USP34: variants seen among roughly 807,000 people sequenced by gnomAD.
USP34 encodes ubiquitin specific peptidase 34.
In USP34, 70 loss-of-function variants were observed where a neutral mutation model predicts 460.3. The observed-to-expected ratio is 0.15, with a 90% CI of 0.13 to 0.19. USP34 has a LOEUF of 0.19. Among genes scored for constraint, USP34 ranks in the 10% least tolerant of loss-of-function variants. USP34 has a pLI of 1.00. For synonymous variants in USP34, 1,647 were observed against 1,405.3 expected (o/e 1.17, Z -3.85); for missense variants, 3,985 against 4,236.2 (o/e 0.94, Z 1.65).
In USP34 at chr2:61,296,784, G is replaced by T; in HGVS notation, c.4254+16C>A. On this transcript the variant is annotated intron_variant, in intron 30 of 79. Transcript: ENST00000398571. Reference sequence around the variant, plus strand: ...GTAACAGCCTCTAGGAGAGTAAAGAGATTTTGTGGGCTCACCTGCTCATCT... The same window carrying T: ...GTAACAGCCTCTAGGAGAGTAAAGATATTTTGTGGGCTCACCTGCTCATCT... 1 of 1,608,144 alleles carries T rather than the reference G, an allele frequency of 6.2e-7. No homozygotes were observed. Among genetic ancestry groups the T allele is most frequent in the Non-Finnish European group, 8.5e-7 (1 of 1,177,770 alleles).
intron 20 of USP34, among the ~76,000 whole-genome samples, chr2:61,326,996 A>G (rs1212945564): frequency 6.6e-6 from 1 of 151,702 alleles, no homozygotes; most frequent in Non-Finnish European, 1.5e-5. Flanking sequence ...CACATTAGCC[A>G]GCTGGTCTCT....
chr2:61,194,224 C>T, intron 75 of USP34: 1 of 985,364 alleles, frequency 1.0e-6, no homozygotes, highest in Non-Finnish European at 1.2e-6. Context: ...CAAGATGAGT[C>T]CCTTTAGACA....
rs753201888 is a variant in USP34 at position 61,223,067 on chromosome 2, G to C, written c.7742C>G (p.Ala2581Gly). 2.2e-5 allele frequency: 36 copies of C among 1,611,908 alleles called. No homozygotes were observed. The highest frequency in any genetic ancestry group is 2.5e-5 in the Non-Finnish European group (30 of 1,178,574). Residue 2581 changes from alanine to glycine, a missense_variant, in exon 64 of 80, where the codon GCA becomes GGA. Physicochemically the swap from Ala to Gly is moderately conservative, Grantham distance 60 (BLOSUM62 0). Around this residue, in one of 14 missense-constraint regions of USP34, gnomAD observed 604 missense variants for 684.8 expected, o/e 0.88. Coordinates refer to ENST00000398571, the MANE Select transcript of USP34 (RefSeq NM_014709.4). ...CTGTTCCTTAGCACTTACATGTTCT[G>C]CAAGTCGATTATTGTATCGACACAG... ...FSLCRYNNRL[A>G]EHIVSMLFTS... is the part of the protein sequence containing the mutation.
At chr2:61,408,267 C>T (rs376641317) in intron 2 of USP34, among the ~76,000 whole-genome samples, 2 of 152,080 alleles carry the variant, frequency 1.3e-5, no homozygotes, top group Non-Finnish European at 1.5e-5. Context: ...ATAGGAAACC[C>T]GACCCAGAAC....
chr2:61,450,196 A>T (rs1266923016), intron 1 of USP34, among the ~76,000 whole-genome samples: 1 of 152,254 alleles, frequency 6.6e-6, no homozygotes, highest in Non-Finnish European at 1.5e-5. Context: ...AAAAAAACAA[A>T]TATTAGTATT....
At chr2:61,458,355 G>A (rs1223861840) in intron 1 of USP34, among the ~76,000 whole-genome samples, 1 of 151,836 alleles carries the variant, frequency 6.6e-6, no homozygotes, top group African/African-American at 2.4e-5. Flanking sequence ...GAGGTCAGGA[G>A]TTCAAGAGAA....
chr2:61,229,658 CAA>C, intron 58 of USP34, 25 bp from the exon 59 acceptor site: 10 of 1,572,284 alleles, frequency 6.4e-6, no homozygotes, highest in Non-Finnish European at 7.8e-6. Flanking sequence ...AAAGATCAAA[CAA>C]GAGCCAACTC....
intron 22 of USP34, 60 bp from the exon 23 acceptor site, chr2:61,317,827 T>TA (rs750513429): frequency 6.7e-5 from 83 of 1,245,948 alleles, no homozygotes; most frequent in Non-Finnish European, 8.7e-5. Flanking sequence ...CAGATTTTAT[T>TA]AAATTTAAAT....
chr2:61,203,564 A>G (rs1687033276), intron 74 of USP34, among the ~76,000 whole-genome samples: 1 of 152,150 alleles, frequency 6.6e-6, no homozygotes, highest in Non-Finnish European at 1.5e-5. Flanking sequence ...AAAATGAATT[A>G]AGTTTGACTT....
intron 1 of USP34, among the ~76,000 whole-genome samples, chr2:61,437,406 C>A (rs181604335): frequency 6.6e-6 from 1 of 152,056 alleles, no homozygotes; most frequent in Non-Finnish European, 1.5e-5. Context: ...AACTACGCAG[C>A]AATAAATTTA....
chr2:61,214,204 A>G lies in USP34; in HGVS notation c.8538T>C (p.Phe2846=). ...ADHDDQDVVL[F]NRGMLPAYYG... Reference sequence around the variant, plus strand: ...AGTACGCTGGCAGCATCCCACGGTTAAAAAGCACCACATCCTGATCATCAT... The same window carrying G: ...AGTACGCTGGCAGCATCCCACGGTTGAAAAGCACCACATCCTGATCATCAT... Residue 2846 remains phenylalanine (F), a synonymous_variant, in exon 68 of 80, where the codon TTT becomes TTC. Transcript: ENST00000398571. 6.2e-7 allele frequency: 1 copy of G among 1,614,236 alleles called. No homozygotes were observed. Among genetic ancestry groups the G allele is most frequent in the Non-Finnish European group, 8.5e-7 (1 of 1,180,042 alleles).
chr2:61,365,805 T>C (rs1692419397), intron 10 of USP34, among the ~76,000 whole-genome samples: 1 of 152,122 alleles, frequency 6.6e-6, no homozygotes, highest in South Asian at 2.1e-4. Context: ...AGGAGAAAAT[T>C]GTTGAATTTC....
chr2:61,331,175 C>T (rs970347331), intron 20 of USP34, 101 bp downstream of exon 20: 18 of 977,074 alleles, frequency 1.8e-5, no homozygotes, highest in Non-Finnish European at 2.5e-5. Context: ...TTTTCTGTTA[C>T]AATTACTTAT....
At position 61,259,702 on chromosome 2, in the gene USP34, T is replaced by G; in HGVS notation, c.5844+9A>C. On this transcript the variant is annotated intron_variant, in intron 44 of 79. Transcript: ENST00000398571. ...TGCCTGGCCTAGCCTCCATGATTCT[T>G]AAACATACCATTAAATATGTAAACA... 3 of 1,612,190 alleles carry G rather than the reference T, an allele frequency of 1.9e-6. No homozygotes were observed. In the South Asian group the frequency reaches 3.3e-5, roughly 18 times the overall value.
At chr2:61,373,587 A>C (rs1692696925) in intron 8 of USP34, among the ~76,000 whole-genome samples, 1 of 152,246 alleles carries the variant, frequency 6.6e-6, no homozygotes, top group African/African-American at 2.4e-5. Context: ...TCAAGTTACC[A>C]GGAATACATA....
In USP34 at chr2:61,250,039, G is replaced by A. The variant is rs571730143; in HGVS notation, c.6222-1356C>T. Among the ~76,000 whole-genome samples, 6 of 152,284 alleles carry A rather than the reference G, an allele frequency of 3.9e-5. No homozygotes were observed. In the South Asian group the frequency reaches 1.2e-3, roughly 32 times the overall value. Reference sequence around the variant, plus strand: ...AAAGTGGGCAGACTGCTTGAGGCCAGGAGTTCGAGACCATTCTGGCCAACA... The same window carrying A: ...AAAGTGGGCAGACTGCTTGAGGCCAAGAGTTCGAGACCATTCTGGCCAACA... On this transcript the variant is annotated intron_variant, in intron 48 of 79. Coordinates refer to ENST00000398571, the MANE Select transcript of USP34 (RefSeq NM_014709.4).
intron 18 of USP34, among the ~76,000 whole-genome samples, chr2:61,336,700 C>G (rs1283866669): frequency 4.0e-5 from 6 of 148,508 alleles, no homozygotes; most frequent in African/African-American, 9.9e-5. Flanking sequence ...TTCCCAGCTA[C>G]TTGGGAGGTT....
chr2:61,317,010 G>A (rs768436374), intron 23 of USP34, among the ~76,000 whole-genome samples: 5 of 152,088 alleles, frequency 3.3e-5, no homozygotes, highest in Non-Finnish European at 7.3e-5. Flanking sequence ...TTGTTGCCCA[G>A]GCTGAACCAA....
At chr2:61,229,457 TAAAAAAAAAAAAAAAAAACA>T in intron 59 of USP34, 71 bp downstream of exon 59, 1 of 380,870 alleles carries the variant, frequency 2.6e-6, no homozygotes, top group Non-Finnish European at 4.0e-6. Context: ...CCCTATCTCT[TAAAAAAAAAAAAAAAAAACA>T]AAAAAAAAAA....
Sources: allele counts gnomAD v4.1 joint callset (sites outside exome capture counted in the v4.1 genomes callset), GRCh38; gene constraint gnomAD v4.1.1; regional missense constraint gnomAD v4.1.1; transcripts MANE v1.5; gene names NCBI Gene and HGNC (gene_info 2026-07-23, HGNC 2026-07-21).